Variants in GCNT1 observed in about 807,000 individuals in gnomAD.
GCNT1 encodes the protein beta-1,3-galactosyl-O-glycosyl-glycoprotein beta-1,6-N-acetylglucosaminyltransferase.
A neutral mutation model predicts 26.2 loss-of-function variants in GCNT1; 16 were observed. The observed-to-expected ratio is 0.61, with a 90% CI of 0.41 to 0.93. The LOEUF is 0.93. Among genes scored for constraint, GCNT1 ranks in the 40% least tolerant of loss-of-function variants. The pLI is 0.00. For missense variants in GCNT1, 477 were observed against 526.7 expected (o/e 0.91, Z 0.92); for synonymous variants, 183 against 190.8 (o/e 0.96, Z 0.34).
intron 1 of GCNT1, among the ~76,000 whole-genome samples, chr9:76,447,151 CAAAAAAAAAAAAAAAAAA>C (rs532132124): frequency 8.3e-5 from 3 of 35,992 alleles, no homozygotes; most frequent in Non-Finnish European, 1.4e-4. Flanking sequence ...AACCCTGTGT[CAAAAAAAAAAAAAAAAAA>C]AAAAAAAAAA....
At chr9:76,471,905 T>C (rs576719714) in intron 2 of GCNT1, among the ~76,000 whole-genome samples, 1 of 152,264 alleles carries the variant, frequency 6.6e-6, no homozygotes, top group South Asian at 2.1e-4. Context: ...TGCAGTGGCA[T>C]GATCACAGCT....
intron 2 of GCNT1, among the ~76,000 whole-genome samples, chr9:76,499,429 A>G (rs902296801): frequency 6.6e-6 from 1 of 152,100 alleles, no homozygotes; most frequent in African/African-American, 2.4e-5. Context: ...CACCTAGCCA[A>G]CAAACTTTCT....
intron 2 of GCNT1, among the ~76,000 whole-genome samples, chr9:76,477,298 C>A (rs1044146662): frequency 2.7e-5 from 4 of 147,666 alleles, no homozygotes; most frequent in Admixed American, 6.8e-5. Context: ...GAGGCCGAGG[C>A]GGGTGGATCA....
intron 1 of GCNT1, among the ~76,000 whole-genome samples, chr9:76,424,406 C>T (rs1011847048): frequency 6.6e-6 from 1 of 151,992 alleles, no homozygotes; most frequent in Non-Finnish European, 1.5e-5. Flanking sequence ...GGCAAAGGAA[C>T]AATATTTAAA....
chr9:76,457,766 TC>T (rs1404414881), upstream of GCNT1, among the ~76,000 whole-genome samples: 2 of 152,228 alleles, frequency 1.3e-5, no homozygotes, highest in Admixed American at 1.3e-4. Flanking sequence ...ATTTACCTAA[TC>T]TACTTGCTCT....
chr9:76,489,115 T>C (rs1824659692), intron 2 of GCNT1, among the ~76,000 whole-genome samples: 1 of 152,136 alleles, frequency 6.6e-6, no homozygotes, highest in South Asian at 2.1e-4. Flanking sequence ...CTATATCTGG[T>C]CTCTCCATGT....
At chr9:76,410,854 A>G in the GCNT1 span, among the ~76,000 whole-genome samples, 1 of 152,190 alleles carries the variant, frequency 6.6e-6, no homozygotes, top group Non-Finnish European at 1.5e-5. Flanking sequence ...TTTGCCCCAC[A>G]TATTTTACAA....
intron 1 of GCNT1, among the ~76,000 whole-genome samples, chr9:76,433,599 GGGCT>G (rs1823366372): frequency 6.6e-6 from 1 of 152,174 alleles, no homozygotes; most frequent in Non-Finnish European, 1.5e-5. Context: ...CTCCTGCCAG[GGGCT>G]GAGTGCTGCA....
chr9:76,401,216 C>T, the GCNT1 span, among the ~76,000 whole-genome samples: 1 of 152,022 alleles, frequency 6.6e-6, no homozygotes, highest in South Asian at 2.1e-4. Flanking sequence ...TACATAAAAG[C>T]CCAATATAGA....
intron 2 of GCNT1, among the ~76,000 whole-genome samples, chr9:76,498,552 C>G (rs1046419590): frequency 1.3e-5 from 2 of 152,092 alleles, no homozygotes; most frequent in African/African-American, 4.8e-5. Flanking sequence ...GCAGGCAGAT[C>G]ACCTGAGGTC....
At chr9:76,431,288 C>T (rs1823332796) in intron 1 of GCNT1, among the ~76,000 whole-genome samples, 1 of 152,136 alleles carries the variant, frequency 6.6e-6, no homozygotes, top group African/African-American at 2.4e-5. Context: ...ACTGCCCTCA[C>T]ATCAGATGCC....
chr9:76,403,168 A>G, the GCNT1 span, among the ~76,000 whole-genome samples: 3 of 152,174 alleles, frequency 2.0e-5, no homozygotes, highest in Non-Finnish European at 2.9e-5. Context: ...GCTTACCTAC[A>G]ATATCAAATG....
At chr9:76,398,956 T>A in the GCNT1 span, 2 of 1,510,852 alleles carry the variant, frequency 1.3e-6, no homozygotes, top group Non-Finnish European at 1.8e-6. Flanking sequence ...GCCAGAGGGC[T>A]GTGCTGAAGT....
At chr9:76,458,794 C>A (rs1354679924), upstream of GCNT1, among the ~76,000 whole-genome samples, 1 of 152,234 alleles carries the variant, frequency 6.6e-6, no homozygotes, top group African/African-American at 2.4e-5. Flanking sequence ...AAAACACCTA[C>A]ATGGTTATCT....
chr9:76,438,631 A>T (rs1823440395), upstream of GCNT1, among the ~76,000 whole-genome samples: 1 of 151,976 alleles, frequency 6.6e-6, no homozygotes, highest in Admixed American at 6.6e-5. Context: ...TTAGAATTTA[A>T]TTTTTTGTTT....
At chr9:76,441,039 T>C (rs1428824819), upstream of GCNT1, among the ~76,000 whole-genome samples, 2 of 134,796 alleles carry the variant, frequency 1.5e-5, no homozygotes, top group Non-Finnish European at 3.2e-5. Flanking sequence ...CACTCCAGCC[T>C]GGGCAACAAA....
chr9:76,397,132 A>T, the GCNT1 span, among the ~76,000 whole-genome samples: 1 of 152,192 alleles, frequency 6.6e-6, no homozygotes, highest in African/African-American at 2.4e-5. Context: ...AAATACAAAA[A>T]TTAGCCAGGC....
At chr9:76,458,215 C>G (rs1261754609), upstream of GCNT1, among the ~76,000 whole-genome samples, 1 of 123,616 alleles carries the variant, frequency 8.1e-6, no homozygotes, top group Non-Finnish European at 1.6e-5. Flanking sequence ...TGGAGTCTCG[C>G]TCTGTTGCCC....
intron 2 of GCNT1, among the ~76,000 whole-genome samples, chr9:76,488,564 A>G (rs896977577): frequency 6.6e-6 from 1 of 152,114 alleles, no homozygotes; most frequent in African/African-American, 2.4e-5. Context: ...CGCTCACTAC[A>G]ACCTCTTCCT....
Sources: allele counts gnomAD v4.1 joint callset (sites outside exome capture counted in the v4.1 genomes callset), GRCh38; gene constraint gnomAD v4.1.1; transcripts MANE v1.5; gene names NCBI Gene and HGNC (gene_info 2026-07-23, HGNC 2026-07-21).